Variants in NEDD4 observed in about 807,000 individuals in gnomAD.
The protein encoded by NEDD4 is NEDD4 E3 ubiquitin protein ligase.
NEDD4 carries 99 observed loss-of-function variants against 144.9 expected under a neutral mutation model. The ratio of observed to expected loss-of-function variants is 0.68; its 90% CI spans 0.58 to 0.81. NEDD4 has a LOEUF of 0.81. NEDD4 is among the 30% of genes least tolerant of loss of function. The pLI, the probability that NEDD4 is intolerant of heterozygous loss-of-function variation, is 0.00. For missense variants in NEDD4, 985 were observed against 1,065.9 expected (o/e 0.92, Z 1.06); for synonymous variants, 318 against 350.6 (o/e 0.91, Z 1.04).
intron 11 of NEDD4, among the ~76,000 whole-genome samples, chr15:55,859,475 C>G (rs1368424658): frequency 6.6e-6 from 1 of 152,188 alleles, no homozygotes; most frequent in African/African-American, 2.4e-5. Flanking sequence ...AGGTGGATCA[C>G]TTGAGGCCAG....
chr15:55,993,487 C>G, intron 1 of NEDD4, 24 bp downstream of exon 1: 1 of 1,593,834 alleles, frequency 6.3e-7, no homozygotes. Flanking sequence ...GGAAGCCCGC[C>G]CCGCAGCCCC....
chr15:55,979,624 A>AT (rs1289158081), intron 1 of NEDD4, among the ~76,000 whole-genome samples: 1 of 151,920 alleles, frequency 6.6e-6, no homozygotes, highest in African/African-American at 2.4e-5. Context: ...AAGTGCTGGG[A>AT]TTACAGGCGT....
chr15:55,833,503 C>CA lies in NEDD4; in HGVS notation c.2431-400dup, dbSNP rs201078950. On this transcript the variant is annotated intron_variant, in intron 26 of 28. Transcript: ENST00000435532. ...TGAAACCCCGTCTCTACTAAAAATACAAAAAAAAATAACTAGGCATGGTGG... is the reference window on the plus strand; with the variant it reads ...TGAAACCCCGTCTCTACTAAAAATACAAAAAAAAAATAACTAGGCATGGTGG... Among the ~76,000 whole-genome samples the CA allele has an allele frequency of 6.9e-4, 103 of 150,342 alleles. 1 individual carries two copies. Among genetic ancestry groups the CA allele is most frequent in the East Asian group, 4.1e-3 (21 of 5,114 alleles).
intron 2 of NEDD4, among the ~76,000 whole-genome samples, chr15:55,959,707 G>A (rs1451315258): frequency 6.6e-6 from 1 of 152,194 alleles, no homozygotes; most frequent in East Asian, 1.9e-4. Flanking sequence ...CTGGCAGCTT[G>A]TGAGCTGCTG....
At chr15:55,846,000 T>TGGTCG (rs2141996467) in intron 18 of NEDD4, among the ~76,000 whole-genome samples, 1 of 152,164 alleles carries the variant, frequency 6.6e-6, no homozygotes, top group Admixed American at 6.5e-5. Flanking sequence ...TTGGCCAGGC[T>TGGTCG]GGTCGTGAAC....
intron 5 of NEDD4, among the ~76,000 whole-genome samples, chr15:55,896,455 A>T (rs2035742255): frequency 2.6e-5 from 4 of 152,196 alleles, no homozygotes; most frequent in African/African-American, 9.7e-5. Context: ...AAATGCTGGG[A>T]TTACAGGGTG....
intron 5 of NEDD4, among the ~76,000 whole-genome samples, chr15:55,913,402 C>T (rs1335317512): frequency 6.6e-6 from 1 of 151,980 alleles, no homozygotes; most frequent in East Asian, 1.9e-4. Context: ...GAAAAAACAA[C>T]ACTAGAATCT....
chr15:55,937,302 T>G (rs989540961), intron 4 of NEDD4, among the ~76,000 whole-genome samples: 12 of 152,226 alleles, frequency 7.9e-5, no homozygotes, highest in African/African-American at 2.9e-4. Flanking sequence ...TTATGGCGAA[T>G]ACATTCAGTT....
chr15:55,990,222 G>A (rs1595892890), intron 1 of NEDD4, among the ~76,000 whole-genome samples: 1 of 152,040 alleles, frequency 6.6e-6, no homozygotes, highest in South Asian at 2.1e-4. Flanking sequence ...TACATGTAAT[G>A]TGCTTGAATC....
At chr15:55,984,265 C>G (rs2036743) in intron 1 of NEDD4, among the ~76,000 whole-genome samples, 1 of 152,010 alleles carries the variant, frequency 6.6e-6, no homozygotes, top group Non-Finnish European at 1.5e-5. Context: ...ATTTTATTTG[C>G]GTATTAGTAG....
intron 1 of NEDD4, among the ~76,000 whole-genome samples, chr15:55,970,834 G>C (rs1251342903): frequency 6.6e-6 from 1 of 152,212 alleles, no homozygotes; most frequent in Non-Finnish European, 1.5e-5. Context: ...AACCAGCCCA[G>C]ACTGTGAAGA....
chr15:55,909,588 G>A (rs2036205275), intron 5 of NEDD4, among the ~76,000 whole-genome samples: 1 of 152,068 alleles, frequency 6.6e-6, no homozygotes, highest in African/African-American at 2.4e-5. Flanking sequence ...CCACCTTCCT[G>A]ACCTCAACAC....
chr15:55,859,843 A>G (rs1446262073), intron 11 of NEDD4, among the ~76,000 whole-genome samples: 1 of 152,176 alleles, frequency 6.6e-6, no homozygotes, highest in Non-Finnish European at 1.5e-5. Context: ...CTGAATATAG[A>G]CAAAACATGA....
chr15:55,986,604 T>TGG (rs2140453525), intron 1 of NEDD4, among the ~76,000 whole-genome samples: 1 of 126,136 alleles, frequency 7.9e-6, no homozygotes, highest in South Asian at 2.8e-4. Flanking sequence ...TTTTTTTTTT[T>TGG]TGTGAGACGG....
chr15:55,989,500 G>A (rs2037953854), intron 1 of NEDD4, among the ~76,000 whole-genome samples: 1 of 152,158 alleles, frequency 6.6e-6, no homozygotes, highest in South Asian at 2.1e-4. Context: ...GTCAGTTTCT[G>A]CTCAGCCTTA....
intron 5 of NEDD4, 85 bp from the exon 6 acceptor site, chr15:55,874,093 G>A (rs1409772417): frequency 4.2e-6 from 3 of 707,480 alleles, no homozygotes; most frequent in African/African-American, 3.6e-5. Context: ...ACCATTCACA[G>A]AAAATGTAGA....
chr15:55,861,907 A>C (rs2034423358), intron 9 of NEDD4, among the ~76,000 whole-genome samples: 1 of 152,162 alleles, frequency 6.6e-6, no homozygotes, highest in African/African-American at 2.4e-5. Flanking sequence ...CATGGCTCTA[A>C]GGGAATGCTT....
Position 55,842,105 on chromosome 15 carries a change from G to T in NEDD4, c.1667C>A (p.Ser556Tyr). 6.2e-7 allele frequency: 1 copy of T among 1,614,146 alleles called. No individual in the cohort carries two copies. The highest frequency in any genetic ancestry group is 8.5e-7 in the Non-Finnish European group (1 of 1,180,036). ...CTTGACACCCATAATTCTCCGGTAA[G>T]AGTCTTCAAGAACAGTTGCTCGGCG... ...KLRRATVLED[S>Y]YRRIMGVKRA... Residue 556 changes from serine to tyrosine, a missense_variant, in exon 19 of 29, where the codon TCT becomes TAT. Transcript: ENST00000435532.
chr15:55,988,486 T>TAAAAAAAAAAAAAAAAAAAAAAAAA (rs1491422042), intron 1 of NEDD4, among the ~76,000 whole-genome samples: 2 of 32,882 alleles, frequency 6.1e-5, no homozygotes, highest in Non-Finnish European at 7.4e-5. Flanking sequence ...AAAAAAAAAA[T>TAAAAAAAAAAAAAAAAAAAAAAAAA]TAAAAAAAAA....
Sources: gnomAD v4.1 joint callset for allele counts (sites outside exome capture counted in the v4.1 genomes callset) on GRCh38, gnomAD v4.1.1 for gene constraint, MANE v1.5 for transcripts, NCBI Gene and HGNC (gene_info 2026-07-23, HGNC 2026-07-21) for gene names.